The following DIP2B variants were observed in gnomAD, a reference collection of about 807,000 sequenced individuals.
The protein encoded by DIP2B is DIP2 acetate--CoA ligase B (putative), also known as disco-interacting protein 2 homolog B.
DIP2B carries 76 observed loss-of-function variants against 198.0 expected under a neutral mutation model. The ratio of observed to expected loss-of-function variants is 0.38; its 90% CI spans 0.32 to 0.46. DIP2B has a LOEUF of 0.46. Ranked by LOEUF, DIP2B falls within the 20% of genes least tolerant of loss-of-function variation. The probability of loss-of-function intolerance (pLI) is 0.99; values close to 1 mark genes in which losing one functional copy is unlikely to be tolerated. For missense variants in DIP2B, 1,559 were observed against 1,978.4 expected, an observed-to-expected ratio of 0.79 and a Z score of 4.02; for synonymous variants, 701 against 739.1, an observed-to-expected ratio of 0.95 and a Z score of 0.84.
chr12:50,581,006 A>C (rs752508914), intron 1 of DIP2B, among the ~76,000 whole-genome samples: 2 of 149,100 alleles, frequency 1.3e-5, no homozygotes, highest in Non-Finnish European at 2.9e-5. Flanking sequence ...ATTCAGTTTT[A>C]CTTTGTATAT....
intron 1 of DIP2B, among the ~76,000 whole-genome samples, chr12:50,536,090 G>T (rs1400396095): frequency 1.3e-5 from 2 of 151,526 alleles, no homozygotes; most frequent in Non-Finnish European, 2.9e-5. Context: ...TCTTAATCCA[G>T]TCTATCATTG....
At chr12:50,682,749 C>T (rs373285115) in intron 9 of DIP2B, among the ~76,000 whole-genome samples, 1 of 150,978 alleles carries the variant, frequency 6.6e-6, no homozygotes, top group South Asian at 2.1e-4. Context: ...CTTTAATATG[C>T]TGTTCTATCT....
At chr12:50,725,638 AATG>A (rs1342213396) in intron 28 of DIP2B, among the ~76,000 whole-genome samples, 1 of 152,236 alleles carries the variant, frequency 6.6e-6, no homozygotes, top group African/African-American at 2.4e-5. Flanking sequence ...ATGTAATCAT[AATG>A]ATAACATCTA....
chr12:50,640,291 A>G (rs532111108), intron 2 of DIP2B, among the ~76,000 whole-genome samples: 8 of 152,194 alleles, frequency 5.3e-5, no homozygotes, highest in African/African-American at 1.4e-4. Flanking sequence ...GGGCTAATAG[A>G]CTTGACTTGA....
chr12:50,611,564 G>C (rs941781312), intron 1 of DIP2B, among the ~76,000 whole-genome samples: 1 of 152,130 alleles, frequency 6.6e-6, no homozygotes, highest in African/African-American at 2.4e-5. Flanking sequence ...AGCAGCAGCT[G>C]ACTGTCTTTG....
intron 16 of DIP2B, 148 bp from the exon 17 acceptor site, chr12:50,696,913 G>A (rs939786475): frequency 1.6e-5 from 10 of 609,156 alleles, no homozygotes; most frequent in African/African-American, 1.3e-4. Context: ...CCATCTCACA[G>A]GGACAGTAAA....
Position 50,714,807 on chromosome 12 carries a change from G to A in DIP2B, c.2851+211G>A, listed in dbSNP as rs561889213. ...AAAATGGAAAAAATTAGCCAGGCCC[G>A]GTGGTGCACACCTGTAGTCTCAGCT... On this transcript the variant is annotated intron_variant, in intron 23 of 37. Transcript: ENST00000301180. Among the ~76,000 whole-genome samples, 193 of 152,246 alleles carry A rather than the reference G, an allele frequency of 1.3e-3. 1 individual carries two copies. Among genetic ancestry groups the A allele is most frequent in the African/African-American group, 4.2e-3 (173 of 41,548 alleles).
intron 16 of DIP2B, among the ~76,000 whole-genome samples, chr12:50,696,236 T>G (rs1010606140): frequency 2.6e-5 from 4 of 152,226 alleles, no homozygotes; most frequent in Non-Finnish European, 4.4e-5. Context: ...GCTAATCTAT[T>G]GCCTGTCTCC....
At chr12:50,511,086 C>T (rs1279277598) in intron 1 of DIP2B, among the ~76,000 whole-genome samples, 1 of 151,532 alleles carries the variant, frequency 6.6e-6, no homozygotes, top group Non-Finnish European at 1.5e-5. Context: ...GCTGGGATTA[C>T]AGGCGCCCTC....
chr12:50,584,979 C>A (rs1007477376), intron 1 of DIP2B, among the ~76,000 whole-genome samples: 1 of 152,152 alleles, frequency 6.6e-6, no homozygotes, highest in East Asian at 1.9e-4. Flanking sequence ...TCGTTTCTAC[C>A]TTTTTTCCTG....
chr12:50,558,211 C>A (rs1958487852), intron 1 of DIP2B, among the ~76,000 whole-genome samples: 1 of 152,158 alleles, frequency 6.6e-6, no homozygotes, highest in African/African-American at 2.4e-5. Context: ...AAAATATTCA[C>A]AAATTTCAAG....
chr12:50,627,180 T>C (rs1027820060), intron 2 of DIP2B, among the ~76,000 whole-genome samples: 13 of 152,198 alleles, frequency 8.5e-5, no homozygotes, highest in Admixed American at 7.9e-4. Context: ...ATCTGGCCCA[T>C]GCCTCTGAAG....
At chr12:50,616,865 G>T (rs1447266375) in intron 1 of DIP2B, among the ~76,000 whole-genome samples, 1 of 152,190 alleles carries the variant, frequency 6.6e-6, no homozygotes. Flanking sequence ...CTCCTGGATA[G>T]TATTCACATC....
At chr12:50,650,222 G>C (rs1170062088) in intron 3 of DIP2B, among the ~76,000 whole-genome samples, 1 of 151,470 alleles carries the variant, frequency 6.6e-6, no homozygotes, top group East Asian at 1.9e-4. Context: ...AAAAAAAAAA[G>C]TGCCAAATGA....
At position 50,731,598 on chromosome 12, in the gene DIP2B, G is replaced by C. The variant is rs1025381442; in HGVS notation, c.3810+61G>C. The C allele has an allele frequency of 4.0e-5, 62 of 1,546,110 alleles. No homozygotes were observed. The African/African-American group carries it at 7.5e-4, about 19-fold the overall frequency. ...AGGTTCTGAAGAAATGCGCCAGGAC[G>C]TAACAGGGCCAGAGCAGGGGCTAAC... is the stretch of plus-strand genomic sequence containing the variant. On this transcript the variant is annotated intron_variant, in intron 31 of 37. Coordinates refer to ENST00000301180, the MANE Select transcript of DIP2B (RefSeq NM_173602.3).
intron 1 of DIP2B, among the ~76,000 whole-genome samples, chr12:50,582,813 G>A (rs1958737221): frequency 6.6e-6 from 1 of 152,194 alleles, no homozygotes; most frequent in South Asian, 2.1e-4. Flanking sequence ...AAGCTAGTCA[G>A]TGGTCGTGTT....
At chr12:50,676,482 T>G (rs919924618) in intron 7 of DIP2B, among the ~76,000 whole-genome samples, 2 of 152,254 alleles carry the variant, frequency 1.3e-5, no homozygotes, top group African/African-American at 4.8e-5. Context: ...TCTTTCATGA[T>G]GTACTGATGT....
At chr12:50,536,943 G>T (rs887121211) in intron 1 of DIP2B, among the ~76,000 whole-genome samples, 2 of 150,992 alleles carry the variant, frequency 1.3e-5, no homozygotes, top group Admixed American at 6.6e-5. Flanking sequence ...TGTTGTTTTG[G>T]CCTAGTGAGG....
intron 21 of DIP2B, 101 bp from the exon 22 acceptor site, chr12:50,708,347 G>A (rs945914258): frequency 9.1e-5 from 88 of 965,118 alleles, no homozygotes; most frequent in Admixed American, 3.7e-4. Context: ...CTCGTTTTGG[G>A]TAGCATGGTG....
Sources: gnomAD v4.1 joint callset for allele counts (sites outside exome capture counted in the v4.1 genomes callset) on GRCh38, gnomAD v4.1.1 for gene constraint, MANE v1.5 for transcripts, NCBI Gene and HGNC (gene_info 2026-07-23, HGNC 2026-07-21) for gene names.